The following RABGAP1L variants were observed in gnomAD, a reference collection of about 807,000 sequenced individuals.
RABGAP1L encodes RAB GTPase activating protein 1 like.
In RABGAP1L, 63 loss-of-function variants were observed where a neutral mutation model predicts 137.7. The ratio of observed to expected loss-of-function variants is 0.46; its 90% CI spans 0.37 to 0.56. The LOEUF is 0.56. Among genes scored for constraint, RABGAP1L ranks in the 20% least tolerant of loss-of-function variants. The pLI, the probability that RABGAP1L is intolerant of heterozygous loss-of-function variation, is 0.00. For synonymous variants in RABGAP1L, 431 were observed against 433.7 expected (o/e 0.99, Z 0.08); for missense variants, 1,095 against 1,244.0 (o/e 0.88, Z 1.80).
intron 16 of RABGAP1L, 119 bp downstream of exon 16, chr1:174,699,769 A>T: frequency 2.0e-6 from 2 of 1,017,420 alleles, no homozygotes; most frequent in Non-Finnish European, 2.8e-6. Context: ...TAGAAAATGT[A>T]CATGGATTTA....
chr1:174,643,814 C>A (rs1175743422), intron 14 of RABGAP1L, among the ~76,000 whole-genome samples: 3 of 151,718 alleles, frequency 2.0e-5, no homozygotes, highest in Non-Finnish European at 2.9e-5. Flanking sequence ...TGCTTTATTG[C>A]CAAGAACAAT....
chr1:174,275,747 A>G, intron 8 of RABGAP1L, 86 bp from the exon 9 acceptor site: 1 of 952,198 alleles, frequency 1.1e-6, no homozygotes, highest in Non-Finnish European at 1.6e-6. Flanking sequence ...AATTTTAATA[A>G]TTTGTATTGC....
intron 13 of RABGAP1L, among the ~76,000 whole-genome samples, chr1:174,602,249 T>G (rs1670469577): frequency 1.3e-5 from 2 of 152,176 alleles, no homozygotes; most frequent in Non-Finnish European, 2.9e-5. Flanking sequence ...GACTTACAGT[T>G]CCACATTGCT....
intron 7 of RABGAP1L, among the ~76,000 whole-genome samples, chr1:174,260,807 C>T (rs1173219853): frequency 6.6e-6 from 1 of 152,106 alleles, no homozygotes. Flanking sequence ...TTAGCACCTA[C>T]TTGGATGCTT....
Position 174,838,587 on chromosome 1 carries a change from T to A in RABGAP1L, c.2340+26627T>A, listed in dbSNP as rs560794790. 7.1e-4 allele frequency among the ~76,000 whole-genome samples: 108 copies of A among 152,180 alleles called. No individual in the cohort carries two copies. The South Asian group carries it at 7.3e-3, about 10-fold the overall frequency. On this transcript the variant is annotated intron_variant, in intron 19 of 25. Coordinates refer to ENST00000681986, the MANE Select transcript of RABGAP1L (RefSeq NM_001366446.1). ...ATTTTTAATTTGAAATAGAGAGTAT[T>A]ATTTGATAGGAGCAAACACCAACTG... is the stretch of plus-strand genomic sequence containing the variant.
At chr1:174,543,523 A>G (rs1032572622) in intron 13 of RABGAP1L, among the ~76,000 whole-genome samples, 3 of 152,098 alleles carry the variant, frequency 2.0e-5, no homozygotes, top group Non-Finnish European at 2.9e-5. Context: ...AATACAGCAC[A>G]CTGATGGTTC....
At chr1:174,160,321 C>T (rs545282394) in intron 1 of RABGAP1L, among the ~76,000 whole-genome samples, 1 of 152,260 alleles carries the variant, frequency 6.6e-6, no homozygotes, top group East Asian at 1.9e-4. Context: ...ATAACTGAGT[C>T]AAAGTTTCTG....
intron 13 of RABGAP1L, among the ~76,000 whole-genome samples, chr1:174,441,595 G>A (rs1205509858): frequency 6.6e-6 from 1 of 151,966 alleles, no homozygotes; most frequent in Non-Finnish European, 1.5e-5. Flanking sequence ...TTAGTCAGGC[G>A]TGGTGGTGCA....
chr1:174,703,261 A>AC (rs1335291965), intron 17 of RABGAP1L, among the ~76,000 whole-genome samples: 2 of 151,842 alleles, frequency 1.3e-5, no homozygotes, highest in East Asian at 3.9e-4. Context: ...CTTATCCCCT[A>AC]CCCCCCTCTC....
At chr1:174,181,848 TAGGAATGATTA>T in intron 1 of RABGAP1L, among the ~76,000 whole-genome samples, 1 of 152,252 alleles carries the variant, frequency 6.6e-6, no homozygotes, top group East Asian at 1.9e-4. Flanking sequence ...GGGAGGTGGG[TAGGAATGATTA>T]TTTACATAGG....
Position 174,702,213 on chromosome 1 carries a change from C to T in RABGAP1L, c.2126C>T (p.Pro709Leu), listed in dbSNP as rs1290684476. Residue 709 changes from proline to leucine, a missense_variant, in exon 17 of 26, where the codon CCA (proline) becomes CTA (leucine). Pro to Leu is a moderately conservative substitution (Grantham distance 98). Around this residue, in one of 4 missense-constraint regions of RABGAP1L, gnomAD observed 312 missense variants for 435.6 expected, o/e 0.72. Transcript: ENST00000681986. The part of the protein sequence containing the change: ...WFLTLFTAKF[P>L]LCMVFHIIDL... ...CTCACTCTTTTTACTGCCAAGTTCC[C>T]ACTCTGCATGGTGTTCCACATCATT... 1.2e-6 allele frequency: 2 copies of T among 1,612,602 alleles called. No individual in the cohort carries two copies. Among genetic ancestry groups the T allele is most frequent in the Non-Finnish European group, 1.7e-6 (2 of 1,179,200 alleles).
intron 13 of RABGAP1L, among the ~76,000 whole-genome samples, chr1:174,396,068 T>C (rs766573378): frequency 3.3e-5 from 5 of 152,088 alleles, no homozygotes; most frequent in African/African-American, 4.8e-5. Context: ...ATATTAAAAA[T>C]AGTGACCCAT....
intron 1 of RABGAP1L, among the ~76,000 whole-genome samples, chr1:174,208,123 A>G (rs1053725182): frequency 6.6e-5 from 10 of 152,036 alleles, no homozygotes; most frequent in Non-Finnish European, 1.2e-4. Flanking sequence ...AAGTATTTCA[A>G]TTTTTCCCTT....
At chr1:174,481,881 T>TAAAAAAAAAAAGAAAAAAAAAA (rs1659126649) in intron 13 of RABGAP1L, among the ~76,000 whole-genome samples, 1 of 59,746 alleles carries the variant, frequency 1.7e-5, no homozygotes, top group Non-Finnish European at 4.1e-5. Context: ...TAATAAAAAA[T>TAAAAAAAAAAAGAAAAAAAAAA]AAAAAAAAAA....
intron 13 of RABGAP1L, chr1:174,547,880 T>A: frequency 6.5e-7 from 1 of 1,545,330 alleles, no homozygotes; most frequent in Non-Finnish European, 8.8e-7. Flanking sequence ...ACTATTCACC[T>A]AGTTAAATAT....
chr1:174,546,940 G>T (rs1666057740), intron 13 of RABGAP1L, among the ~76,000 whole-genome samples: 1 of 140,624 alleles, frequency 7.1e-6, no homozygotes. Context: ...TGAGGCAGGA[G>T]AATGGCGTGA....
At chr1:174,624,641 G>T (rs1214642505) in intron 13 of RABGAP1L, among the ~76,000 whole-genome samples, 1 of 152,054 alleles carries the variant, frequency 6.6e-6, no homozygotes, top group Admixed American at 6.6e-5. Context: ...AAAAATATTG[G>T]AATCATTTTT....
intron 13 of RABGAP1L, among the ~76,000 whole-genome samples, chr1:174,617,499 T>C (rs557885249): frequency 5.9e-5 from 9 of 152,312 alleles, no homozygotes; most frequent in African/African-American, 2.2e-4. Context: ...CAGGAACAAA[T>C]CCTTCTGTTC....
chr1:174,728,762 T>C (rs904636618), intron 17 of RABGAP1L, among the ~76,000 whole-genome samples: 8 of 151,978 alleles, frequency 5.3e-5, no homozygotes, highest in Admixed American at 1.3e-4. Context: ...CTGACTCAGC[T>C]TCCTGAGTAG....
Sources: gnomAD v4.1 joint callset for allele counts (sites outside exome capture counted in the v4.1 genomes callset) on GRCh38, gnomAD v4.1.1 for gene constraint, gnomAD v4.1.1 regional missense constraint, MANE v1.5 for transcripts, NCBI Gene and HGNC (gene_info 2026-07-23, HGNC 2026-07-21) for gene names.